Variants in FER observed in about 807,000 individuals in gnomAD.
FER encodes the protein tyrosine-protein kinase Fer.
In FER, 63 loss-of-function variants were observed where a neutral mutation model predicts 111.0. The observed-to-expected ratio is 0.57, with a 90% CI of 0.46 to 0.70. The LOEUF (loss-of-function observed/expected upper bound fraction) is 0.70. Ranked by LOEUF, FER falls within the 30% of genes least tolerant of loss-of-function variation. FER has a pLI of 0.00. For synonymous variants in FER, 327 were observed against 313.9 expected (o/e 1.04, Z -0.44); for missense variants, 914 against 954.0 (o/e 0.96, Z 0.55).
intron 17 of FER, among the ~76,000 whole-genome samples, chr5:109,177,802 T>C (rs944070106): frequency 2.0e-5 from 3 of 152,358 alleles, no homozygotes; most frequent in East Asian, 3.9e-4. Flanking sequence ...TTTGCTGTTA[T>C]ATCCCTCTGC....
At chr5:108,798,429 A>G (rs1561436302) in intron 3 of FER, 40 bp downstream of exon 3, 3 of 1,474,496 alleles carry the variant, frequency 2.0e-6, no homozygotes, top group African/African-American at 1.4e-5. Flanking sequence ...TTATAACATT[A>G]TAATTGTCCT....
At chr5:109,181,255 C>A (rs1758264523) in intron 18 of FER, among the ~76,000 whole-genome samples, 1 of 152,150 alleles carries the variant, frequency 6.6e-6, no homozygotes, top group South Asian at 2.1e-4. Context: ...ATAACCTCAT[C>A]TGATGTTAGG....
At chr5:108,850,473 T>C (rs1216703516) in intron 5 of FER, among the ~76,000 whole-genome samples, 1 of 152,194 alleles carries the variant, frequency 6.6e-6, no homozygotes, top group Non-Finnish European at 1.5e-5. Context: ...GGTTTATCAC[T>C]GTACACCTTT....
At chr5:108,753,190 AT>A (rs1425289606) in intron 1 of FER, among the ~76,000 whole-genome samples, 1 of 152,102 alleles carries the variant, frequency 6.6e-6, no homozygotes, top group African/African-American at 2.4e-5. Flanking sequence ...GATAACATTG[AT>A]TTTATCTCTC....
At chr5:108,916,395 GATAAA>G (rs1752263644) in intron 10 of FER, among the ~76,000 whole-genome samples, 2 of 152,026 alleles carry the variant, frequency 1.3e-5, no homozygotes, top group Admixed American at 6.6e-5. Flanking sequence ...TATTTAATAA[GATAAA>G]ATGAAATGGG....
chr5:109,107,594 C>G (rs1749097578), intron 17 of FER, among the ~76,000 whole-genome samples: 1 of 151,954 alleles, frequency 6.6e-6, no homozygotes, highest in African/African-American at 2.4e-5. Flanking sequence ...TTTGGTTGTT[C>G]CTGTGTTAGT....
chr5:108,825,792 A>G (rs1759403813), intron 3 of FER, among the ~76,000 whole-genome samples: 1 of 152,170 alleles, frequency 6.6e-6, no homozygotes, highest in Non-Finnish European at 1.5e-5. Context: ...TGTCCATAAA[A>G]TCTTCATAAT....
chr5:109,022,859 G>T (rs1423257748), intron 13 of FER, among the ~76,000 whole-genome samples: 1 of 152,044 alleles, frequency 6.6e-6, no homozygotes, highest in Admixed American at 6.6e-5. Context: ...CTCAGAGGAA[G>T]GAATGAAATA....
chr5:109,167,711 T>C (rs1040133956), intron 17 of FER, among the ~76,000 whole-genome samples: 1 of 152,198 alleles, frequency 6.6e-6, no homozygotes, highest in Admixed American at 6.6e-5. Context: ...TGCAACTATA[T>C]TGCTTGATAG....
At chr5:108,973,537 A>G (rs1362750025) in intron 13 of FER, among the ~76,000 whole-genome samples, 1 of 152,166 alleles carries the variant, frequency 6.6e-6, no homozygotes, top group Non-Finnish European at 1.5e-5. Flanking sequence ...TATTAAAACT[A>G]CACCAAAAAT....
At position 108,855,702 on chromosome 5, in the gene FER, G is replaced by T. The variant is rs913798754; in HGVS notation, c.482-12065G>T. ...AGATAGGTTTCAAGGAAGAGCAAGT[G>T]ATCAACTAGGTTGAATACTGCTAAA... On this transcript the variant is annotated intron_variant, in intron 5 of 19. Transcript: ENST00000281092. Among the ~76,000 whole-genome samples, 16 of 152,272 alleles carry T rather than the reference G, an allele frequency of 1.1e-4. No homozygotes were observed. In the Middle Eastern group the frequency reaches 0.02, roughly 194 times the overall value.
intron 2 of FER, among the ~76,000 whole-genome samples, chr5:108,768,820 A>G (rs1276838538): frequency 1.4e-5 from 2 of 148,146 alleles, no homozygotes; most frequent in African/African-American, 2.6e-5. Context: ...ATTATGAATT[A>G]TAATACAATT....
intron 2 of FER, among the ~76,000 whole-genome samples, chr5:108,795,606 C>T (rs1369743017): frequency 6.6e-6 from 1 of 151,982 alleles, no homozygotes; most frequent in African/African-American, 2.4e-5. Flanking sequence ...TCTTCAAGCT[C>T]ACTAATTCTT....
chr5:108,951,902 A>C (rs181397616), intron 11 of FER, among the ~76,000 whole-genome samples: 1 of 152,258 alleles, frequency 6.6e-6, no homozygotes, highest in Non-Finnish European at 1.5e-5. Context: ...GACCAGGGTA[A>C]GGAGAAAAAA....
Position 109,019,298 on chromosome 5 carries a change from G to A in FER, c.1657-18124G>A, listed in dbSNP as rs566115396. 1.1e-4 allele frequency among the ~76,000 whole-genome samples: 16 copies of A among 151,642 alleles called. No individual in the cohort carries two copies. In the East Asian group the frequency reaches 3.1e-3, roughly 29 times the overall value. On this transcript the variant is annotated intron_variant, in intron 13 of 19. Transcript: ENST00000281092. ...GCCCTCATAAAATTTTAAATTATAG[G>A]TTTATTTACAATAGCAGTCTAGAAG...
chr5:109,005,491 G>A (rs950470245), intron 13 of FER, among the ~76,000 whole-genome samples: 3 of 152,068 alleles, frequency 2.0e-5, no homozygotes, highest in African/African-American at 7.2e-5. Flanking sequence ...ATATGTATAA[G>A]CATGTGTCAT....
At chr5:108,982,054 C>T (rs565387459) in intron 13 of FER, among the ~76,000 whole-genome samples, 37 of 152,188 alleles carry the variant, frequency 2.4e-4, no homozygotes, top group African/African-American at 7.5e-4. Context: ...GTTTTGAAAG[C>T]GCAGGCTCTG....
chr5:109,015,822 G>T (rs1005086388), intron 13 of FER, among the ~76,000 whole-genome samples: 1 of 151,824 alleles, frequency 6.6e-6, no homozygotes, highest in African/African-American at 2.4e-5. Flanking sequence ...TCAGAAATTG[G>T]CTTTTTTCTG....
intron 3 of FER, among the ~76,000 whole-genome samples, chr5:108,807,539 T>G (rs1010787010): frequency 1.3e-5 from 2 of 152,254 alleles, no homozygotes; most frequent in Admixed American, 1.3e-4. Flanking sequence ...GCTAGTGGTC[T>G]ATCAACCTTG....
Sources: gnomAD v4.1 joint callset for allele counts (sites outside exome capture counted in the v4.1 genomes callset) on GRCh38, gnomAD v4.1.1 for gene constraint, MANE v1.5 for transcripts, NCBI Gene and HGNC (gene_info 2026-07-23, HGNC 2026-07-21) for gene names.